The following DLGAP4 variants were observed in gnomAD, a reference collection of about 807,000 sequenced individuals.
DLGAP4 encodes the protein disks large-associated protein 4.
Under a neutral mutation model 86.9 loss-of-function variants are expected in DLGAP4, and 18 were observed. That is an observed-to-expected ratio of 0.21 (90% confidence interval 0.14 to 0.31). The LOEUF is 0.31. DLGAP4 is among the 10% of genes least tolerant of loss of function. The probability of loss-of-function intolerance (pLI) is 1.00; values close to 1 mark genes in which losing one functional copy is unlikely to be tolerated. For missense variants in DLGAP4, 1,085 were observed against 1,362.6 expected (o/e 0.80, Z 3.21); for synonymous variants, 548 against 574.3 (o/e 0.95, Z 0.65).
At chr20:36,357,900 C>A (rs1281880494) in intron 1 of DLGAP4, among the ~76,000 whole-genome samples, 1 of 152,228 alleles carries the variant, frequency 6.6e-6, no homozygotes, top group Admixed American at 6.5e-5. Context: ...TAAGGTTTTA[C>A]AAGACTAGCC....
chr20:36,514,654 TC>T, intron 10 of DLGAP4, among the ~76,000 whole-genome samples: 1 of 151,882 alleles, frequency 6.6e-6, no homozygotes, highest in East Asian at 1.9e-4. Context: ...GTTTAAACAA[TC>T]CCCCCATCTC....
chr20:36,374,088 G>A (rs2031055799), intron 2 of DLGAP4, among the ~76,000 whole-genome samples: 2 of 151,308 alleles, frequency 1.3e-5, no homozygotes, highest in Admixed American at 6.6e-5. Context: ...CAGATCTTAC[G>A]GTCAGAAGCT....
At chr20:36,372,239 T>C (rs1600447691) in intron 2 of DLGAP4, among the ~76,000 whole-genome samples, 1 of 152,312 alleles carries the variant, frequency 6.6e-6, no homozygotes, top group African/African-American at 2.4e-5. Context: ...CTGTGACTGC[T>C]AAAGGTGGCA....
At chr20:36,510,644 C>G (rs1430061934) in intron 10 of DLGAP4, among the ~76,000 whole-genome samples, 2 of 152,110 alleles carry the variant, frequency 1.3e-5, no homozygotes, top group African/African-American at 4.8e-5. Flanking sequence ...TTCCTGACCT[C>G]AAGTGATCCG....
intron 6 of DLGAP4, among the ~76,000 whole-genome samples, chr20:36,445,908 A>G (rs1188036992): frequency 6.6e-6 from 1 of 152,224 alleles, no homozygotes; most frequent in Non-Finnish European, 1.5e-5. Context: ...AGGCCCCTCA[A>G]TGCTCATACC....
intron 2 of DLGAP4, among the ~76,000 whole-genome samples, chr20:36,426,881 A>T (rs2032988203): frequency 6.6e-6 from 1 of 152,050 alleles, no homozygotes; most frequent in Non-Finnish European, 1.5e-5. Flanking sequence ...TTTTGGGGTT[A>T]TGAAAATGTT....
chr20:36,504,646 C>T (rs974182900), intron 10 of DLGAP4, among the ~76,000 whole-genome samples: 8 of 152,234 alleles, frequency 5.3e-5, no homozygotes, highest in Non-Finnish European at 1.0e-4. Flanking sequence ...TCCACATCTT[C>T]ACCAACACCT....
chr20:36,459,685 G>A lies in DLGAP4; in HGVS notation c.1648+12748G>A, dbSNP rs908606107. The stretch of plus-strand genomic sequence containing the variant: ...TGCAATGGCGCAATCTTGGCTCACC[G>A]CAACCTCCGCTTCCCAGGTTCAAGC... On this transcript the variant is annotated intron_variant, in intron 7 of 12. Coordinates refer to ENST00000339266, the MANE Select transcript of DLGAP4 (RefSeq NM_001365621.2). 2.6e-5 allele frequency among the ~76,000 whole-genome samples: 4 copies of A among 152,156 alleles called. 1 individual carries two copies. The highest frequency in any genetic ancestry group is 4.1e-4 in the South Asian group (2 of 4,826).
At chr20:36,417,838 G>T (rs2032705671) in intron 2 of DLGAP4, among the ~76,000 whole-genome samples, 1 of 151,656 alleles carries the variant, frequency 6.6e-6, no homozygotes, top group Non-Finnish European at 1.5e-5. Flanking sequence ...AGGTTGGAAT[G>T]CAGTGGCACA....
chr20:36,349,969 A>G (rs2147387371), intron 1 of DLGAP4, among the ~76,000 whole-genome samples: 1 of 152,288 alleles, frequency 6.6e-6, no homozygotes, highest in African/African-American at 2.4e-5. Flanking sequence ...TCCGCCCTGA[A>G]GGAGCAGCCC....
At position 36,453,188 on chromosome 20, in the gene DLGAP4, G is replaced by A. The variant is rs186517315; in HGVS notation, c.1648+6251G>A. 2.6e-5 allele frequency among the ~76,000 whole-genome samples: 4 copies of A among 152,334 alleles called. No individual in the cohort carries two copies. In the East Asian group the frequency reaches 5.8e-4, roughly 22 times the overall value. The stretch of plus-strand genomic sequence containing the variant: ...GCCAAAAGGAGCAAGCTCAGGCCGG[G>A]TACAGTGCTGAGCACGGTGCTATAA... On this transcript the variant is annotated intron_variant, in intron 7 of 12. Coordinates refer to ENST00000339266, the MANE Select transcript of DLGAP4 (RefSeq NM_001365621.2).
chr20:36,418,787 A>G (rs1167102256), intron 2 of DLGAP4, among the ~76,000 whole-genome samples: 1 of 151,926 alleles, frequency 6.6e-6, no homozygotes, highest in East Asian at 1.9e-4. Flanking sequence ...AGTGTCAGTC[A>G]CACGTCCCCA....
chr20:36,523,962 C>G (rs2147865242), intron 10 of DLGAP4, among the ~76,000 whole-genome samples: 1 of 152,264 alleles, frequency 6.6e-6, no homozygotes, highest in South Asian at 2.1e-4. Context: ...TACGCAGCCT[C>G]TCTTAAGACC....
At chr20:36,307,973 G>A (rs2065020077) in intron 1 of DLGAP4, among the ~76,000 whole-genome samples, 1 of 152,248 alleles carries the variant, frequency 6.6e-6, no homozygotes, top group South Asian at 2.1e-4. Context: ...CTGGTCCCAG[G>A]GTGGGGCTGC....
intron 2 of DLGAP4, among the ~76,000 whole-genome samples, chr20:36,422,503 G>A (rs570075908): frequency 1.2e-3 from 176 of 152,318 alleles, no homozygotes; most frequent in African/African-American, 3.8e-3. Context: ...ATCAGTGAGG[G>A]TCTTGATTGC....
At chr20:36,332,678 C>T (rs1054162942) in intron 1 of DLGAP4, among the ~76,000 whole-genome samples, 5 of 152,122 alleles carry the variant, frequency 3.3e-5, no homozygotes, top group Non-Finnish European at 7.3e-5. Flanking sequence ...TCATCTGTCC[C>T]GGCAGCCCCA....
chr20:36,519,341 T>A (rs188577499), intron 10 of DLGAP4, among the ~76,000 whole-genome samples: 405 of 152,262 alleles, frequency 2.7e-3, no homozygotes, highest in Non-Finnish European at 4.9e-3. Flanking sequence ...ATTTATTGTA[T>A]ATTTTATGGC....
At chr20:36,381,488 A>AAAGTGGG (rs1164748229) in intron 2 of DLGAP4, among the ~76,000 whole-genome samples, 1 of 152,226 alleles carries the variant, frequency 6.6e-6, no homozygotes, top group Non-Finnish European at 1.5e-5. Flanking sequence ...TTGGTTAGAG[A>AAAGTGGG]AAGTGGGTGA....
At chr20:36,411,702 AG>A (rs1569490565) in intron 2 of DLGAP4, among the ~76,000 whole-genome samples, 1 of 152,260 alleles carries the variant, frequency 6.6e-6, no homozygotes, top group African/African-American at 2.4e-5. Flanking sequence ...CTAGAGGGGC[AG>A]GGGGCATCAA....
Sources: gnomAD v4.1 joint callset for allele counts (sites outside exome capture counted in the v4.1 genomes callset) on GRCh38, gnomAD v4.1.1 for gene constraint, MANE v1.5 for transcripts, NCBI Gene and HGNC (gene_info 2026-07-23, HGNC 2026-07-21) for gene names.